SAMD12: variants seen among roughly 807,000 people sequenced by gnomAD.
SAMD12 encodes the protein sterile alpha motif domain-containing protein 12.
Under a neutral mutation model 15.0 loss-of-function variants are expected in SAMD12, and 9 were observed. The observed-to-expected ratio is 0.60, with a 90% CI of 0.36 to 1.05. SAMD12 has a LOEUF of 1.05. Ranked by LOEUF, SAMD12 falls within the 50% of genes least tolerant of loss-of-function variation. SAMD12 has a pLI of 0.01. For missense variants in SAMD12, 230 were observed against 234.2 expected (o/e 0.98, Z 0.12); for synonymous variants, 86 against 90.1 (o/e 0.96, Z 0.25).
At chr8:118,284,187 T>G (rs889488793) in intron 4 of SAMD12, 1 of 435,274 alleles carries the variant, frequency 2.3e-6, no homozygotes, top group East Asian at 7.0e-5. Context: ...TTGCCCACCT[T>G]AATGATAAAA....
chr8:118,476,329 A>G (rs572550578), intron 2 of SAMD12, among the ~76,000 whole-genome samples: 2 of 152,350 alleles, frequency 1.3e-5, no homozygotes, highest in African/African-American at 4.8e-5. Context: ...TCTCATCTTT[A>G]GACAGAGGAC....
At chr8:118,157,622 C>T in the SAMD12 span, among the ~76,000 whole-genome samples, 2 of 152,154 alleles carry the variant, frequency 1.3e-5, no homozygotes, top group Non-Finnish European at 2.9e-5. Context: ...TACTCTTTAT[C>T]AAGTGTGATA....
At chr8:118,147,305 G>A in the SAMD12 span, among the ~76,000 whole-genome samples, 1 of 151,292 alleles carries the variant, frequency 6.6e-6, no homozygotes, top group Non-Finnish European at 1.5e-5. Flanking sequence ...TATTACAGAC[G>A]TGAGCCACCA....
intron 2 of SAMD12, among the ~76,000 whole-genome samples, chr8:118,536,437 TACACAAACACAC>T (rs1470103178): frequency 6.8e-4 from 87 of 128,262 alleles, no homozygotes; most frequent in African/African-American, 1.9e-3. Flanking sequence ...TGTAGACTGA[TACACAAACACAC>T]ACACACACAC....
chr8:118,216,744 G>A (rs188436478), intron 4 of SAMD12, among the ~76,000 whole-genome samples: 1 of 152,264 alleles, frequency 6.6e-6, no homozygotes, highest in Non-Finnish European at 1.5e-5. Flanking sequence ...TGTGCATAAT[G>A]ATAGATTTTG....
intron 4 of SAMD12, among the ~76,000 whole-genome samples, chr8:118,241,001 C>A (rs114272798): frequency 6.6e-6 from 1 of 152,108 alleles, no homozygotes; most frequent in Non-Finnish European, 1.5e-5. Context: ...GCCAAGAGCT[C>A]GGCTTTACCT....
intron 2 of SAMD12, among the ~76,000 whole-genome samples, chr8:118,494,498 G>C (rs190015369): frequency 1.3e-5 from 2 of 152,098 alleles, no homozygotes; most frequent in Admixed American, 1.3e-4. Flanking sequence ...TTGGAATATA[G>C]AGTCCATAAG....
chr8:118,450,785 C>T (rs1823056882), intron 2 of SAMD12, among the ~76,000 whole-genome samples: 1 of 152,124 alleles, frequency 6.6e-6, no homozygotes. Context: ...CTTGCTTTGA[C>T]TAAAAGAATG....
intron 4 of SAMD12, among the ~76,000 whole-genome samples, chr8:118,205,537 T>C (rs1337115827): frequency 6.6e-6 from 1 of 152,248 alleles, no homozygotes. Context: ...GGCTAGGCTA[T>C]GATCTTTGAT....
chr8:118,491,177 A>C (rs1311151155), intron 2 of SAMD12, among the ~76,000 whole-genome samples: 1 of 152,132 alleles, frequency 6.6e-6, no homozygotes, highest in East Asian at 1.9e-4. Flanking sequence ...CAGCTCCTTG[A>C]AGAAACTGAG....
intron 4 of SAMD12, among the ~76,000 whole-genome samples, chr8:118,352,395 T>C (rs180900751): frequency 6.6e-5 from 10 of 152,120 alleles, no homozygotes; most frequent in African/African-American, 9.6e-5. Context: ...GTGAAACAGA[T>C]GGATTGCTGT....
the SAMD12 span, among the ~76,000 whole-genome samples, chr8:118,145,849 T>C: frequency 6.6e-6 from 1 of 152,136 alleles, no homozygotes; most frequent in Non-Finnish European, 1.5e-5. Context: ...TACTCGGTCA[T>C]TGTCTGGGGC....
chr8:118,469,093 G>A (rs996073052), intron 2 of SAMD12, among the ~76,000 whole-genome samples: 6 of 152,018 alleles, frequency 3.9e-5, no homozygotes, highest in Admixed American at 2.0e-4. Context: ...TCAGTCTTCC[G>A]CCCTTCCTCC....
chr8:118,555,124 T>C (rs571229744), intron 2 of SAMD12, among the ~76,000 whole-genome samples: 1 of 152,302 alleles, frequency 6.6e-6, no homozygotes, highest in East Asian at 1.9e-4. Flanking sequence ...CCATCTGTTA[T>C]TGGTTAGCAG....
At chr8:118,555,800 A>G (rs1826513762) in intron 2 of SAMD12, among the ~76,000 whole-genome samples, 1 of 152,210 alleles carries the variant, frequency 6.6e-6, no homozygotes, top group Non-Finnish European at 1.5e-5. Context: ...ATCAGAAAGT[A>G]TTTATTATAC....
intron 2 of SAMD12, among the ~76,000 whole-genome samples, chr8:118,511,452 GTTT>G (rs142995747): frequency 3.8e-5 from 5 of 131,692 alleles, no homozygotes; most frequent in South Asian, 2.6e-4. Flanking sequence ...TTTTGTTTTT[GTTT>G]TTTTTTTAAA....
intron 4 of SAMD12, among the ~76,000 whole-genome samples, chr8:118,319,187 C>A (rs912200273): frequency 1.3e-5 from 2 of 152,106 alleles, no homozygotes; most frequent in Non-Finnish European, 2.9e-5. Flanking sequence ...GGCACAGATG[C>A]ATTTGCCATA....
the SAMD12 span, among the ~76,000 whole-genome samples, chr8:118,136,012 A>T: frequency 6.6e-6 from 1 of 150,592 alleles, no homozygotes; most frequent in South Asian, 2.1e-4. Context: ...CTGAAACTTT[A>T]TCTGGCTTCT....
intron 2 of SAMD12, among the ~76,000 whole-genome samples, chr8:118,575,590 G>A (rs1402645145): frequency 6.6e-6 from 1 of 152,114 alleles, no homozygotes; most frequent in African/African-American, 2.4e-5. Flanking sequence ...ACATCCTTGG[G>A]TTTCTCAGCT....
Sources: allele counts gnomAD v4.1 joint callset (sites outside exome capture counted in the v4.1 genomes callset), GRCh38; gene constraint gnomAD v4.1.1; transcripts MANE v1.5; gene names NCBI Gene and HGNC (gene_info 2026-07-23, HGNC 2026-07-21).